UMAD1: variants seen among roughly 807,000 people sequenced by gnomAD.
The protein encoded by UMAD1 is UBAP1-MVB12-associated (UMA) domain containing 1.
UMAD1 carries 8 observed loss-of-function variants against 6.1 expected under a neutral mutation model. The ratio of observed to expected loss-of-function variants is 1.30; its 90% CI spans 0.76 to 2.35. The LOEUF (loss-of-function observed/expected upper bound fraction) is 2.35, where lower values mean the gene tolerates loss of function less well. Among genes scored for constraint, UMAD1 ranks in the 30% most tolerant of loss-of-function variants. The probability of loss-of-function intolerance (pLI) is 0.00; values close to 1 mark genes in which losing one functional copy is unlikely to be tolerated. For missense variants in UMAD1, 130 were observed against 78.4 expected (o/e 1.66, Z -2.49); for synonymous variants, 56 against 31.4 (o/e 1.78, Z -2.61).
At chr7:7,662,406 C>T (rs1190563547) in intron 1 of UMAD1, among the ~76,000 whole-genome samples, 3 of 152,094 alleles carry the variant, frequency 2.0e-5, no homozygotes, top group Non-Finnish European at 4.4e-5. Context: ...CCTAAATGGC[C>T]GCCCAGTTTT....
chr7:7,720,874 A>G (rs1781035072), intron 2 of UMAD1, among the ~76,000 whole-genome samples: 6 of 152,180 alleles, frequency 3.9e-5, no homozygotes. Context: ...CCCAGTACCT[A>G]TGAATGTGAC....
At chr7:7,842,185 G>C (rs779151481) in intron 3 of UMAD1, among the ~76,000 whole-genome samples, 6 of 151,968 alleles carry the variant, frequency 3.9e-5, no homozygotes, top group African/African-American at 1.5e-4. Flanking sequence ...TTATTATTAC[G>C]TGACACTGAG....
At chr7:7,858,517 T>C (rs73674548) in intron 3 of UMAD1, among the ~76,000 whole-genome samples, 283 of 152,354 alleles carry the variant, frequency 1.9e-3, no homozygotes, top group African/African-American at 6.4e-3. Flanking sequence ...ATAGCAATGA[T>C]TTCTAGAAGG....
intron 2 of UMAD1, among the ~76,000 whole-genome samples, chr7:7,732,276 AT>A (rs1240079486): frequency 6.6e-6 from 1 of 152,062 alleles, no homozygotes; most frequent in Non-Finnish European, 1.5e-5. Context: ...AAATTTACTA[AT>A]TGTCCTTAAC....
intron 2 of UMAD1, among the ~76,000 whole-genome samples, chr7:7,683,234 C>T (rs1428558063): frequency 2.0e-5 from 3 of 152,118 alleles, no homozygotes; most frequent in Non-Finnish European, 4.4e-5. Flanking sequence ...GTGATTCTAA[C>T]CCTTCTGTGC....
chr7:7,838,007 G>A (rs1410588729), intron 3 of UMAD1, among the ~76,000 whole-genome samples: 2 of 152,078 alleles, frequency 1.3e-5, no homozygotes, highest in Admixed American at 1.3e-4. Flanking sequence ...AATGTTGTAT[G>A]CCCCCAATAA....
chr7:7,818,659 CT>C (rs1783179182), intron 3 of UMAD1, among the ~76,000 whole-genome samples: 1 of 152,166 alleles, frequency 6.6e-6, no homozygotes, highest in South Asian at 2.1e-4. Flanking sequence ...AATACCTTTA[CT>C]GTATATACCC....
intron 2 of UMAD1, among the ~76,000 whole-genome samples, chr7:7,703,061 G>C (rs922929474): frequency 6.6e-6 from 1 of 152,180 alleles, no homozygotes; most frequent in East Asian, 1.9e-4. Flanking sequence ...GTACTACACT[G>C]AGTTTACTGC....
At chr7:7,827,831 T>C (rs891380257) in intron 3 of UMAD1, among the ~76,000 whole-genome samples, 18 of 152,180 alleles carry the variant, frequency 1.2e-4, no homozygotes, top group African/African-American at 3.9e-4. Flanking sequence ...TAATGAAAAT[T>C]ACTACCAGCA....
At chr7:7,680,892 G>A (rs1285136422) in intron 2 of UMAD1, among the ~76,000 whole-genome samples, 1 of 151,680 alleles carries the variant, frequency 6.6e-6, no homozygotes, top group Non-Finnish European at 1.5e-5. Flanking sequence ...TGTTGATTTT[G>A]TATGCCGTAA....
At position 7,673,294 on chromosome 7, in the gene UMAD1, A is replaced by G. The variant is rs1461878366; in HGVS notation, c.-63-15A>G. 3 of 1,180,704 alleles carry G rather than the reference A, an allele frequency of 2.5e-6. No homozygotes were observed. Among genetic ancestry groups the G allele is most frequent in the African/African-American group, 1.5e-5 (1 of 65,216 alleles). 73.1% of individuals were successfully genotyped at this position (1,180,704 alleles called of 1,614,324 possible). On this transcript the variant is annotated splice_polypyrimidine_tract_variant and intron_variant, in intron 1 of 3. Coordinates refer to ENST00000682710, the MANE Select transcript of UMAD1 (RefSeq NM_001302348.2). ...TTGCATCTGAATTTGACATTGTGTA[A>G]TGTTTCTATTTCAGGTAGCAGCAGC...
intron 3 of UMAD1, among the ~76,000 whole-genome samples, chr7:7,840,621 A>G (rs1024123680): frequency 6.6e-6 from 1 of 151,914 alleles, no homozygotes; most frequent in Non-Finnish European, 1.5e-5. Context: ...AGCACAATTT[A>G]TTGTATATAG....
chr7:7,808,895 T>A (rs1381931800), intron 3 of UMAD1, among the ~76,000 whole-genome samples: 1 of 151,940 alleles, frequency 6.6e-6, no homozygotes, highest in Admixed American at 6.6e-5. Flanking sequence ...AAAGTAGGAT[T>A]TATAAAGATT....
chr7:7,791,386 A>G (rs1011067135), intron 2 of UMAD1, among the ~76,000 whole-genome samples: 1 of 152,188 alleles, frequency 6.6e-6, no homozygotes, highest in Admixed American at 6.5e-5. Flanking sequence ...CCCAACTTAT[A>G]CTTCCAGCAG....
chr7:7,647,816 G>C (rs1785131792), intron 1 of UMAD1, among the ~76,000 whole-genome samples: 1 of 152,132 alleles, frequency 6.6e-6, no homozygotes, highest in African/African-American at 2.4e-5. Flanking sequence ...TGTTGCCCAG[G>C]CTGGTCCATA....
At chr7:7,796,191 A>C (rs2115268687) in intron 2 of UMAD1, among the ~76,000 whole-genome samples, 1 of 150,690 alleles carries the variant, frequency 6.6e-6, no homozygotes, top group African/African-American at 2.5e-5. Context: ...AGAAATATAT[A>C]GATATACTTA....
intron 2 of UMAD1, among the ~76,000 whole-genome samples, chr7:7,728,128 T>C (rs916135897): frequency 5.9e-5 from 9 of 152,182 alleles, no homozygotes; most frequent in Non-Finnish European, 7.3e-5. Context: ...GCCAAACTGG[T>C]ACATGTTCAG....
At chr7:7,850,553 T>C (rs1335619779) in intron 3 of UMAD1, among the ~76,000 whole-genome samples, 2 of 152,118 alleles carry the variant, frequency 1.3e-5, no homozygotes, top group South Asian at 2.1e-4. Context: ...ATTTAAAATA[T>C]ATGTATATTT....
chr7:7,777,871 C>T (rs1428035335), intron 2 of UMAD1, among the ~76,000 whole-genome samples: 1 of 152,002 alleles, frequency 6.6e-6, no homozygotes, highest in Admixed American at 6.6e-5. Flanking sequence ...AATCCTTTAC[C>T]AGTAACTTCA....
Sources: allele counts gnomAD v4.1 joint callset (sites outside exome capture counted in the v4.1 genomes callset), GRCh38; gene constraint gnomAD v4.1.1; transcripts MANE v1.5; gene names NCBI Gene and HGNC (gene_info 2026-07-23, HGNC 2026-07-21).